The following TMPRSS11A variants were observed in gnomAD, a reference collection of about 807,000 sequenced individuals.
TMPRSS11A encodes transmembrane serine protease 11A.
A neutral mutation model predicts 58.9 loss-of-function variants in TMPRSS11A; 53 were observed. The observed-to-expected ratio is 0.90, with a 90% CI of 0.72 to 1.13. The LOEUF is 1.13. TMPRSS11A is among the 50% of genes most tolerant of loss of function. TMPRSS11A has a pLI of 0.00. For missense variants in TMPRSS11A, 493 were observed against 499.3 expected, an observed-to-expected ratio of 0.99 and a Z score of 0.12; for synonymous variants, 167 against 169.8, an observed-to-expected ratio of 0.98 and a Z score of 0.13.
chr4:67,959,636 C>A (rs371145439), intron 1 of TMPRSS11A, among the ~76,000 whole-genome samples: 3 of 152,188 alleles, frequency 2.0e-5, no homozygotes, highest in Admixed American at 1.3e-4. Flanking sequence ...TATCTCACAC[C>A]CATCAGAATG....
At chr4:67,925,380 G>C (rs1443757475) in intron 5 of TMPRSS11A, among the ~76,000 whole-genome samples, 1 of 152,144 alleles carries the variant, frequency 6.6e-6, no homozygotes, top group South Asian at 2.1e-4. Flanking sequence ...TTAGCTTATT[G>C]AGCAGATGAG....
chr4:67,946,277 A>C (rs1720999006), intron 2 of TMPRSS11A, among the ~76,000 whole-genome samples, 173 bp downstream of exon 2: 1 of 152,184 alleles, frequency 6.6e-6, no homozygotes, highest in Non-Finnish European at 1.5e-5. Context: ...ACTCACATAT[A>C]ATAAGAATTT....
At chr4:67,943,270 C>G (rs184780) in intron 3 of TMPRSS11A, among the ~76,000 whole-genome samples, 114,938 of 152,100 alleles carry the variant, frequency 0.76, 43,776 homozygotes, top group East Asian at 0.83. Context: ...TTGCATTCTT[C>G]TCCGTTTACT....
chr4:67,932,629 T>C (rs925672749), intron 3 of TMPRSS11A, among the ~76,000 whole-genome samples: 15 of 152,240 alleles, frequency 9.9e-5, no homozygotes, highest in African/African-American at 3.6e-4. Context: ...TAAGTTTTGG[T>C]AGTTAATTGC....
At chr4:67,916,782 A>G (rs1346639993) in intron 8 of TMPRSS11A, among the ~76,000 whole-genome samples, 1 of 152,036 alleles carries the variant, frequency 6.6e-6, no homozygotes, top group Non-Finnish European at 1.5e-5. Context: ...AGCCGAGATC[A>G]CGCCACTGCA....
intron 7 of TMPRSS11A, among the ~76,000 whole-genome samples, chr4:67,922,017 T>G (rs1466037835): frequency 6.6e-6 from 1 of 152,248 alleles, no homozygotes; most frequent in Non-Finnish European, 1.5e-5. Flanking sequence ...TAATCATATA[T>G]TTAATAAAAT....
chr4:67,953,490 G>T (rs900229598), intron 1 of TMPRSS11A, among the ~76,000 whole-genome samples: 1 of 152,022 alleles, frequency 6.6e-6, no homozygotes, highest in African/African-American at 2.4e-5. Context: ...ATCTCTACTG[G>T]GATGGTGGTA....
In TMPRSS11A at chr4:67,960,138, A is replaced by C. The variant is rs118011442; in HGVS notation, c.11+3245T>G. ...AGCACACATAGACATAAACACGGGA[A>C]TAATGGACACTGCAGACTACTAGAG... On this transcript the variant is annotated intron_variant, in intron 1 of 9. Transcript: ENST00000508048. Among the ~76,000 whole-genome samples the C allele has an allele frequency of 3.3e-5, 5 of 152,308 alleles. No individual in the cohort carries two copies. The East Asian group carries it at 9.7e-4, about 29-fold the overall frequency.
At chr4:67,938,608 A>G (rs753616861) in intron 3 of TMPRSS11A, among the ~76,000 whole-genome samples, 1 of 152,106 alleles carries the variant, frequency 6.6e-6, no homozygotes, top group East Asian at 1.9e-4. Context: ...TAGGAGTCCA[A>G]TTTCATTTTT....
At chr4:67,930,829 T>TTTTTTTTTAAA (rs1265700805) in intron 4 of TMPRSS11A, among the ~76,000 whole-genome samples, 1 of 90,136 alleles carries the variant, frequency 1.1e-5, no homozygotes, top group African/African-American at 4.7e-5. Context: ...TTTTTTTTTT[T>TTTTTTTTTAAA]ACAAAAAAAA....
At position 67,919,024 on chromosome 4, in the gene TMPRSS11A, G is replaced by A. The variant is rs1453243229; in HGVS notation, c.901C>T (p.Gln301Ter). ...GTGATGTGGACAGTCAAATTTGGTT[G>A]GAAGGATGCAGAGGCTTCTGGCAAA... ...ICLPEASASF[Q>*]PNLTVHITGF... Residue 301 changes from glutamine to a stop codon, truncating the protein, a stop_gained, in exon 8 of 10, where the codon CAA becomes TAA. Coordinates refer to ENST00000508048, the MANE Select transcript of TMPRSS11A (RefSeq NM_001114387.2). LOFTEE classifies it high-confidence loss of function. The A allele has an allele frequency of 1.2e-6, 2 of 1,614,170 alleles. No homozygotes were observed. Among genetic ancestry groups the A allele is most frequent in the East Asian group, 2.2e-5 (1 of 44,882 alleles).
chr4:67,931,647 A>G (rs1449983867), intron 4 of TMPRSS11A, among the ~76,000 whole-genome samples: 1 of 152,234 alleles, frequency 6.6e-6, no homozygotes. Flanking sequence ...ACATAATATA[A>G]CTTGGTGCAT....
intron 3 of TMPRSS11A, among the ~76,000 whole-genome samples, chr4:67,939,363 G>GAGATAATTT (rs1720826663): frequency 6.6e-6 from 1 of 152,190 alleles, no homozygotes; most frequent in Non-Finnish European, 1.5e-5. Context: ...TCAGTAAAGA[G>GAGATAATTT]AGATAATTTG....
At chr4:67,962,020 C>T (rs1157477984) in intron 1 of TMPRSS11A, among the ~76,000 whole-genome samples, 1 of 152,040 alleles carries the variant, frequency 6.6e-6, no homozygotes, top group Non-Finnish European at 1.5e-5. Flanking sequence ...ACTGGAAATC[C>T]TGTTTTACAA....
rs541704296 is a variant in TMPRSS11A at position 67,959,401 on chromosome 4, C to T, written c.11+3982G>A. Among the ~76,000 whole-genome samples, 5 of 152,146 alleles carry T rather than the reference C, an allele frequency of 3.3e-5. No homozygotes were observed. In the East Asian group the frequency reaches 7.7e-4, roughly 24 times the overall value. ...GTATCTGCACAGCAAAAGAAACTAT[C>T]GAATAAACAGACAATCTACAGAATC... On this transcript the variant is annotated intron_variant, in intron 1 of 9. Transcript: ENST00000508048.
chr4:67,956,467 C>T (rs1721291268), intron 1 of TMPRSS11A, among the ~76,000 whole-genome samples: 1 of 152,126 alleles, frequency 6.6e-6, no homozygotes, highest in African/African-American at 2.4e-5. Context: ...AGAGATATTT[C>T]AGAAACATAT....
At chr4:67,919,960 G>A (rs994417838) in intron 7 of TMPRSS11A, among the ~76,000 whole-genome samples, 3 of 152,086 alleles carry the variant, frequency 2.0e-5, no homozygotes, top group Non-Finnish European at 2.9e-5. Context: ...GGAATCTACT[G>A]GATAATTAAG....
In TMPRSS11A at chr4:67,910,325, A is replaced by G. The variant is rs1348716806; in HGVS notation, c.*1017T>C. ...TCTAAAACTAGGGTTTTATGATTGCAATAGTTGGGACATTGCCATAAGCCT... is the reference window on the plus strand; with the variant it reads ...TCTAAAACTAGGGTTTTATGATTGCGATAGTTGGGACATTGCCATAAGCCT... On this transcript the variant is annotated 3_prime_UTR_variant, in exon 10 of 10. Coordinates refer to ENST00000508048, the MANE Select transcript of TMPRSS11A (RefSeq NM_001114387.2). 2 of 152,108 alleles carry G rather than the reference A, an allele frequency of 1.3e-5. No individual in the cohort carries two copies. Among genetic ancestry groups the G allele is most frequent in the African/African-American group, 2.4e-5 (1 of 41,444 alleles). The allele number at this position is 152,108 out of a possible 1,614,324, so 9.4% of individuals were successfully genotyped here. A position where few individuals can be genotyped will look rare whatever the true frequency, so the allele number is the denominator to read the frequency against.
chr4:67,922,450 A>G (rs1267297675), intron 7 of TMPRSS11A, among the ~76,000 whole-genome samples: 1 of 152,226 alleles, frequency 6.6e-6, no homozygotes, highest in East Asian at 1.9e-4. Context: ...CAAAAGATTA[A>G]TGGTACATGT....
Sources: allele counts gnomAD v4.1 joint callset (sites outside exome capture counted in the v4.1 genomes callset), GRCh38; gene constraint gnomAD v4.1.1; transcripts MANE v1.5; gene names NCBI Gene and HGNC (gene_info 2026-07-23, HGNC 2026-07-21).